The following CAMK4 variants were observed in gnomAD, a reference collection of about 807,000 sequenced individuals.
CAMK4 encodes the protein calcium/calmodulin dependent protein kinase IV, also known as calcium/calmodulin-dependent protein kinase type IV.
A neutral mutation model predicts 44.9 loss-of-function variants in CAMK4; 22 were observed. The ratio of observed to expected loss-of-function variants is 0.49; its 90% CI spans 0.35 to 0.70. The LOEUF (loss-of-function observed/expected upper bound fraction) is 0.70. Ranked by LOEUF, CAMK4 falls within the 30% of genes least tolerant of loss-of-function variation. The pLI is 0.01. For missense variants in CAMK4, 498 were observed against 586.8 expected (o/e 0.85, Z 1.56); for synonymous variants, 218 against 215.4 (o/e 1.01, Z -0.11).
intron 4 of CAMK4, among the ~76,000 whole-genome samples, chr5:111,389,437 A>G (rs1438954235): frequency 6.6e-6 from 1 of 152,212 alleles, no homozygotes; most frequent in Non-Finnish European, 1.5e-5. Flanking sequence ...TTGAGACTAC[A>G]TAATAAACCA....
chr5:111,370,934 A>AAAACAC (rs59683575), intron 2 of CAMK4, among the ~76,000 whole-genome samples: 3 of 151,390 alleles, frequency 2.0e-5, no homozygotes, highest in African/African-American at 7.3e-5. Flanking sequence ...AACAAAAACA[A>AAAACAC]CGTGTATCCT....
At chr5:111,447,305 T>C (rs567581012) in intron 6 of CAMK4, among the ~76,000 whole-genome samples, 146 of 152,272 alleles carry the variant, frequency 9.6e-4, no homozygotes, top group African/African-American at 3.2e-3. Context: ...TAGATGAGGA[T>C]GGGAGTGATT....
At chr5:111,372,863 G>C in intron 2 of CAMK4, among the ~76,000 whole-genome samples, 1 of 152,038 alleles carries the variant, frequency 6.6e-6, no homozygotes, top group East Asian at 1.9e-4. Context: ...TCAATTTGAT[G>C]TACAGTCACT....
intron 1 of CAMK4, among the ~76,000 whole-genome samples, chr5:111,314,386 T>A (rs1285205192): frequency 6.6e-6 from 1 of 152,108 alleles, no homozygotes; most frequent in Non-Finnish European, 1.5e-5. Flanking sequence ...TGCAAATCTG[T>A]TTATTAGTAA....
chr5:111,280,476 T>C (rs1242032485), intron 1 of CAMK4, among the ~76,000 whole-genome samples: 3 of 152,248 alleles, frequency 2.0e-5, no homozygotes, highest in Non-Finnish European at 2.9e-5. Flanking sequence ...TTATCTTTAA[T>C]ATCTATGTTG....
chr5:111,354,846 C>T (rs1750267632), intron 2 of CAMK4, among the ~76,000 whole-genome samples: 1 of 152,070 alleles, frequency 6.6e-6, no homozygotes, highest in Admixed American at 6.6e-5. Context: ...TGCCCTCAAC[C>T]AGGCAGACTC....
chr5:111,263,888 G>A (rs1182688389), intron 1 of CAMK4, among the ~76,000 whole-genome samples: 5 of 152,014 alleles, frequency 3.3e-5, no homozygotes, highest in Non-Finnish European at 7.4e-5. Flanking sequence ...GCATTTTAAA[G>A]CACTTTCATA....
At chr5:111,277,553 T>C (rs1294303468) in intron 1 of CAMK4, 3 of 152,214 alleles carry the variant, frequency 2.0e-5, no homozygotes, top group Non-Finnish European at 2.9e-5. Flanking sequence ...ACTTCAGTTT[T>C]GGTAGGAGAT....
At position 111,342,452 on chromosome 5, in the gene CAMK4, A is replaced by G. The variant is rs921697316; in HGVS notation, c.162-1572A>G. Among the ~76,000 whole-genome samples the G allele has an allele frequency of 5.3e-5, 8 of 151,446 alleles. 1 individual carries two copies. The East Asian group carries it at 5.9e-4, about 11-fold the overall frequency. ...TTCTTATGGTTAGGGTTTGTGTAGTATCTCTTTTACCAGGTTTGCACCAAC... is the reference window on the plus strand; with the variant it reads ...TTCTTATGGTTAGGGTTTGTGTAGTGTCTCTTTTACCAGGTTTGCACCAAC... On this transcript the variant is annotated intron_variant, in intron 1 of 10. Coordinates refer to ENST00000282356, the MANE Select transcript of CAMK4 (RefSeq NM_001744.6).
intron 1 of CAMK4, among the ~76,000 whole-genome samples, chr5:111,343,791 A>G (rs1749747114): frequency 6.6e-6 from 1 of 151,876 alleles, no homozygotes; most frequent in East Asian, 2.0e-4. Flanking sequence ...TTGTATAGGG[A>G]TAAGGCAGAA....
chr5:111,423,595 A>G (rs187198044), intron 5 of CAMK4, among the ~76,000 whole-genome samples: 19 of 152,332 alleles, frequency 1.2e-4, no homozygotes, highest in Admixed American at 1.2e-3. Context: ...CACACTCAAG[A>G]TTTAATGGCT....
intron 5 of CAMK4, among the ~76,000 whole-genome samples, chr5:111,415,301 A>C (rs1430753867): frequency 6.6e-6 from 1 of 152,172 alleles, no homozygotes; most frequent in African/African-American, 2.4e-5. Flanking sequence ...ATGCTCTTTC[A>C]TCACTTAGCA....
chr5:111,374,699 A>C, intron 2 of CAMK4, 151 bp from the exon 3 acceptor site: 1 of 611,084 alleles, frequency 1.6e-6, no homozygotes, highest in Non-Finnish European at 2.9e-6. Context: ...GTGCAGCTGA[A>C]AAAGAAAGAG....
intron 4 of CAMK4, among the ~76,000 whole-genome samples, chr5:111,380,544 G>A (rs941936049): frequency 6.6e-6 from 1 of 152,054 alleles, no homozygotes; most frequent in African/African-American, 2.4e-5. Context: ...GCCCCAATGT[G>A]TGTTTTTCCC....
chr5:111,369,735 C>G (rs573289379), intron 2 of CAMK4, among the ~76,000 whole-genome samples: 1 of 152,128 alleles, frequency 6.6e-6, no homozygotes, highest in Non-Finnish European at 1.5e-5. Context: ...GTCCCTTATA[C>G]TATAAAATGG....
At chr5:111,374,725 A>G (rs751222892) in intron 2 of CAMK4, 125 bp from the exon 3 acceptor site, 9 of 646,816 alleles carry the variant, frequency 1.4e-5, no homozygotes, top group Non-Finnish European at 2.2e-5. Context: ...GGAGACACAC[A>G]AAAGCTAAGG....
chr5:111,252,397 CAAAG>C (rs1278397555), intron 1 of CAMK4, among the ~76,000 whole-genome samples: 1 of 152,100 alleles, frequency 6.6e-6, no homozygotes, highest in Non-Finnish European at 1.5e-5. Flanking sequence ...TGGAGGAACA[CAAAG>C]AAAACTGCAT....
intron 5 of CAMK4, among the ~76,000 whole-genome samples, chr5:111,442,197 A>T (rs974967609): frequency 6.6e-6 from 1 of 152,140 alleles, no homozygotes; most frequent in African/African-American, 2.4e-5. Context: ...TTTTATCATA[A>T]TATGAAGGCA....
chr5:111,395,154 G>A (rs1422129002), intron 5 of CAMK4, among the ~76,000 whole-genome samples: 1 of 141,954 alleles, frequency 7.0e-6, no homozygotes, highest in East Asian at 2.1e-4. Context: ...GAGTTGCAGT[G>A]AGCCAAGGTC....
Sources: allele counts gnomAD v4.1 joint callset (sites outside exome capture counted in the v4.1 genomes callset), GRCh38; gene constraint gnomAD v4.1.1; transcripts MANE v1.5; gene names NCBI Gene and HGNC (gene_info 2026-07-23, HGNC 2026-07-21).